Variants in GABRG1 observed in about 807,000 individuals in gnomAD.
GABRG1 encodes gamma-aminobutyric acid receptor subunit gamma-1.
Under a neutral mutation model 49.8 loss-of-function variants are expected in GABRG1, and 49 were observed. The ratio of observed to expected loss-of-function variants is 0.98; its 90% CI spans 0.78 to 1.25. GABRG1 has a LOEUF of 1.25. GABRG1 is among the 50% of genes most tolerant of loss of function. The pLI is 0.00. For synonymous variants in GABRG1, 232 were observed against 185.1 expected (o/e 1.25, Z -2.06); for missense variants, 552 against 552.3 (o/e 1.00, Z 0.01).
intron 8 of GABRG1, among the ~76,000 whole-genome samples, chr4:46,044,349 C>T (rs1285885609): frequency 6.6e-6 from 1 of 151,738 alleles, no homozygotes; most frequent in Non-Finnish European, 1.5e-5. Context: ...GGTGTAGTTG[C>T]ATGTGTTTGC....
At chr4:46,120,218 T>C (rs1721054600) in intron 1 of GABRG1, among the ~76,000 whole-genome samples, 1 of 151,722 alleles carries the variant, frequency 6.6e-6, no homozygotes, top group Non-Finnish European at 1.5e-5. Flanking sequence ...TTCCTTTTCT[T>C]TCATGGAAGT....
chr4:46,105,802 T>TAGAC (rs750318756), intron 1 of GABRG1, among the ~76,000 whole-genome samples: 3 of 138,924 alleles, frequency 2.2e-5, no homozygotes, highest in Non-Finnish European at 4.5e-5. Context: ...GATAGATAGA[T>TAGAC]AGATAGATAG....
chr4:46,082,204 A>G (rs1175510249), intron 3 of GABRG1, among the ~76,000 whole-genome samples: 1 of 151,816 alleles, frequency 6.6e-6, no homozygotes, highest in Non-Finnish European at 1.5e-5. Context: ...GCTCTTCATT[A>G]GTAATAAAAC....
intron 3 of GABRG1, among the ~76,000 whole-genome samples, chr4:46,071,483 T>C (rs1719120504): frequency 6.7e-6 from 1 of 150,184 alleles, no homozygotes; most frequent in Non-Finnish European, 1.5e-5. Flanking sequence ...ATTTATGTAT[T>C]TGTATACAAT....
intron 1 of GABRG1, among the ~76,000 whole-genome samples, chr4:46,112,709 A>G (rs1472830273): frequency 1.3e-5 from 2 of 151,130 alleles, no homozygotes; most frequent in Middle Eastern, 6.3e-3. Context: ...CAAATACCCC[A>G]TGTTCTCATT....
chr4:46,057,476 T>G lies in GABRG1; in HGVS notation c.916+741A>C, dbSNP rs537514227. 5.6e-4 allele frequency among the ~76,000 whole-genome samples: 85 copies of G among 152,238 alleles called. 1 individual carries two copies. Among genetic ancestry groups the G allele is most frequent in the Middle Eastern group, 3.4e-3 (1 of 294 alleles). On this transcript the variant is annotated intron_variant, in intron 7 of 8. Transcript: ENST00000295452. Reference sequence around the variant, plus strand: ...GGTGAATCAATTGATTAACAAGTTTTATTCCTATATCAATACCTGATTGCA... The same window carrying G: ...GGTGAATCAATTGATTAACAAGTTTGATTCCTATATCAATACCTGATTGCA...
chr4:46,074,998 G>T (rs1313594267), intron 3 of GABRG1, among the ~76,000 whole-genome samples: 1 of 151,836 alleles, frequency 6.6e-6, no homozygotes, highest in Non-Finnish European at 1.5e-5. Context: ...TGGGCAAAAG[G>T]CAAGATCATA....
intron 1 of GABRG1, among the ~76,000 whole-genome samples, chr4:46,105,722 A>G (rs1720510212): frequency 6.7e-6 from 1 of 149,894 alleles, no homozygotes; most frequent in South Asian, 2.1e-4. Flanking sequence ...CCAATTTTCT[A>G]AAATTACTTA....
Position 46,038,276 on chromosome 4 carries a change from G to T in GABRG1, c.*2712C>A, listed in dbSNP as rs775190427. 1.3e-5 allele frequency: 2 copies of T among 151,394 alleles called. No individual in the cohort carries two copies. The highest frequency in any genetic ancestry group is 6.6e-5 in the Admixed American group (1 of 15,134). 9.4% of individuals were successfully genotyped at this position (151,394 alleles called of 1,614,324 possible). On this transcript the variant is annotated 3_prime_UTR_variant, in exon 9 of 9. Coordinates refer to ENST00000295452, the MANE Select transcript of GABRG1 (RefSeq NM_173536.4). ...GAGCCTAATTTTGTCCATGGAATTC[G>T]AAGATAAATAAAATATTACCCTGTC... is the stretch of plus-strand genomic sequence containing the variant.
intron 1 of GABRG1, among the ~76,000 whole-genome samples, chr4:46,116,387 GA>G (rs567342770): frequency 6.0e-5 from 9 of 150,300 alleles, no homozygotes; most frequent in East Asian, 2.0e-4. Flanking sequence ...GTTAGACTTA[GA>G]AAAAAAATAC....
In GABRG1 at chr4:46,038,266, C is replaced by G. The variant is rs867588995; in HGVS notation, c.*2722G>C. 6 of 151,354 alleles carry G rather than the reference C, an allele frequency of 4.0e-5. No individual in the cohort carries two copies. The highest frequency in any genetic ancestry group is 1.5e-4 in the African/African-American group (6 of 41,298). The allele number at this position is 151,354 out of a possible 1,614,324, so 9.4% of individuals were successfully genotyped here. A position where few individuals can be genotyped will look rare whatever the true frequency, so the allele number is the denominator to read the frequency against. ...TAATTTAAGTGAGCCTAATTTTGTC[C>G]ATGGAATTCGAAGATAAATAAAATA... On this transcript the variant is annotated 3_prime_UTR_variant, in exon 9 of 9. Coordinates refer to ENST00000295452, the MANE Select transcript of GABRG1 (RefSeq NM_173536.4).
chr4:46,111,807 G>A (rs1720724945), intron 1 of GABRG1, among the ~76,000 whole-genome samples: 1 of 151,188 alleles, frequency 6.6e-6, no homozygotes, highest in South Asian at 2.1e-4. Flanking sequence ...ACTGAAATGG[G>A]ACCCTTAACT....
intron 8 of GABRG1, among the ~76,000 whole-genome samples, 164 bp downstream of exon 8, chr4:46,051,260 C>T (rs1397097790): frequency 6.6e-6 from 1 of 151,760 alleles, no homozygotes; most frequent in Non-Finnish European, 1.5e-5. Context: ...CAGAAATACA[C>T]TTTTCTTGGT....
At chr4:46,099,073 C>T (rs528778404) in intron 1 of GABRG1, among the ~76,000 whole-genome samples, 2 of 151,704 alleles carry the variant, frequency 1.3e-5, no homozygotes, top group Admixed American at 6.6e-5. Context: ...TAATAGTTAT[C>T]TTCCACGGAT....
rs904202147 is a variant in GABRG1, at chr4:46,103,387, G to A, written c.105-6038C>T. On this transcript the variant is annotated intron_variant, in intron 1 of 8. Transcript: ENST00000295452. ...TGGATAGTAAATATAATAAATATTTGTCACTGGTACTTCCTCATAAAAACT... is the reference window on the plus strand; with the variant it reads ...TGGATAGTAAATATAATAAATATTTATCACTGGTACTTCCTCATAAAAACT... 5.3e-5 allele frequency among the ~76,000 whole-genome samples: 8 copies of A among 151,490 alleles called. No individual in the cohort carries two copies. In the South Asian group the frequency reaches 8.3e-4, roughly 16 times the overall value.
intron 1 of GABRG1, among the ~76,000 whole-genome samples, chr4:46,118,248 A>ATCTG (rs1720992445): frequency 1.0e-5 from 1 of 96,142 alleles, no homozygotes; most frequent in Non-Finnish European, 2.0e-5. Flanking sequence ...ATATAGATCT[A>ATCTG]TCTATCTATC....
At chr4:46,081,656 G>A (rs1000606943) in intron 3 of GABRG1, among the ~76,000 whole-genome samples, 1 of 151,832 alleles carries the variant, frequency 6.6e-6, no homozygotes, top group Non-Finnish European at 1.5e-5. Context: ...AAATCAGCAA[G>A]ATATTTGAGA....
intron 3 of GABRG1, among the ~76,000 whole-genome samples, chr4:46,083,361 G>T (rs1162418031): frequency 6.6e-6 from 1 of 151,558 alleles, no homozygotes; most frequent in Non-Finnish European, 1.5e-5. Flanking sequence ...CTATAAGAGA[G>T]ATGTATTTAA....
At chr4:46,095,957 TG>T (rs946757294) in intron 2 of GABRG1, among the ~76,000 whole-genome samples, 21 of 151,948 alleles carry the variant, frequency 1.4e-4, no homozygotes, top group African/African-American at 4.6e-4. Flanking sequence ...TTATCTTTTT[TG>T]CTCCTCTCCT....
Sources: gnomAD v4.1 joint callset for allele counts (sites outside exome capture counted in the v4.1 genomes callset) on GRCh38, gnomAD v4.1.1 for gene constraint, MANE v1.5 for transcripts, NCBI Gene and HGNC (gene_info 2026-07-23, HGNC 2026-07-21) for gene names.